The following PSMA8 variants were observed in gnomAD, a reference collection of about 807,000 sequenced individuals.
PSMA8 encodes proteasome subunit alpha-type 8.
Under a neutral mutation model 32.4 loss-of-function variants are expected in PSMA8, and 18 were observed. That is an observed-to-expected ratio of 0.56 (90% CI 0.38 to 0.82). PSMA8 has a LOEUF of 0.82. Ranked by LOEUF, PSMA8 falls within the 40% of genes least tolerant of loss-of-function variation. The pLI is 0.00. For synonymous variants in PSMA8, 104 were observed against 98.1 expected, an observed-to-expected ratio of 1.06 and a Z score of -0.36; for missense variants, 298 against 300.7, an observed-to-expected ratio of 0.99 and a Z score of 0.07.
At chr18:26,148,589 C>T (rs1183287837) in intron 2 of PSMA8, among the ~76,000 whole-genome samples, 1 of 152,094 alleles carries the variant, frequency 6.6e-6, no homozygotes, top group Non-Finnish European at 1.5e-5. Flanking sequence ...TGAAAGCTTT[C>T]CCTCTAGAAC....
chr18:26,153,962 C>A (rs1218020020), intron 3 of PSMA8, among the ~76,000 whole-genome samples: 1 of 151,916 alleles, frequency 6.6e-6, no homozygotes, highest in Non-Finnish European at 1.5e-5. Flanking sequence ...AGTGCAGTGG[C>A]CTGATCTCAG....
rs150863405 is a variant in PSMA8 at position 26,151,260 on chromosome 18, G to A, written c.230-598G>A. ...GGCAATTTAGTTAGTATTAAGAGAGGAGGGAAAGAAACAAAGTGGACATGG... is the reference window on the plus strand; with the variant it reads ...GGCAATTTAGTTAGTATTAAGAGAGAAGGGAAAGAAACAAAGTGGACATGG... On this transcript the variant is annotated intron_variant, in intron 2 of 6. Coordinates refer to ENST00000415576, the MANE Select transcript of PSMA8 (RefSeq NM_001025096.2). 4.1e-3 allele frequency among the ~76,000 whole-genome samples: 621 copies of A among 152,286 alleles called. 1 individual carries two copies. Among genetic ancestry groups the A allele is most frequent in the African/African-American group, 0.011 (462 of 41,564 alleles).
chr18:26,159,949 A>AT (rs1331258845), intron 4 of PSMA8, among the ~76,000 whole-genome samples: 1 of 152,090 alleles, frequency 6.6e-6, no homozygotes, highest in Admixed American at 6.5e-5. Flanking sequence ...AACCTTTTTT[A>AT]TTTTATGTAT....
chr18:26,172,793 C>G (rs1424286448), intron 4 of PSMA8, among the ~76,000 whole-genome samples: 1 of 152,142 alleles, frequency 6.6e-6, no homozygotes, highest in Non-Finnish European at 1.5e-5. Context: ...TTATGCCTGC[C>G]AAGTGCCATT....
At chr18:26,163,544 A>G (rs2055155735) in intron 4 of PSMA8, among the ~76,000 whole-genome samples, 1 of 152,120 alleles carries the variant, frequency 6.6e-6, no homozygotes, top group African/African-American at 2.4e-5. Context: ...ATAATCCAAA[A>G]ATTAGAAATC....
At position 26,170,687 on chromosome 18, in the gene PSMA8, GA is replaced by G. The variant is rs1448315498; in HGVS notation, c.478-8142del. The G allele has an allele frequency of 2.7e-5, 36 of 1,341,288 alleles. 3 individuals are homozygous for G. The highest frequency in any genetic ancestry group is 8.3e-5 in the African/African-American group (3 of 35,972). The allele number at this position is 1,341,288 out of a possible 1,614,324, so 83.1% of individuals were successfully genotyped here. A position where few individuals can be genotyped will look rare whatever the true frequency, so the allele number is the denominator to read the frequency against. On this transcript the variant is annotated intron_variant, in intron 4 of 6. Coordinates refer to ENST00000415576, the MANE Select transcript of PSMA8 (RefSeq NM_001025096.2). ...TAAAAATACATACTTTTTTCAGAGG[GA>G]GGGGGAACAACTTAAACTAGAAAAC...
At chr18:26,134,340 G>GGGGT (rs1555659453) in intron 1 of PSMA8, among the ~76,000 whole-genome samples, 88 of 135,202 alleles carry the variant, frequency 6.5e-4, no homozygotes, top group Middle Eastern at 3.8e-3. Context: ...TGTGTGTGTG[G>GGGGT]GTGTGTGTGT....
intron 3 of PSMA8, among the ~76,000 whole-genome samples, chr18:26,157,347 G>T (rs2055098030): frequency 6.6e-6 from 1 of 151,338 alleles, no homozygotes; most frequent in Non-Finnish European, 1.5e-5. Flanking sequence ...GAGGTCAGGA[G>T]TTCGAGACCA....
chr18:26,170,777 G>T, intron 4 of PSMA8: 4 of 1,550,262 alleles, frequency 2.6e-6, no homozygotes, highest in East Asian at 4.8e-5. Flanking sequence ...TCTCCTCCTG[G>T]ACATCAGAGA....
At chr18:26,143,775 G>A (rs1298696462) in intron 1 of PSMA8, among the ~76,000 whole-genome samples, 1 of 151,922 alleles carries the variant, frequency 6.6e-6, no homozygotes, top group East Asian at 1.9e-4. Context: ...AGGCTGGAGT[G>A]CAGTGGCGCA....
At chr18:26,163,708 G>C (rs1001879151) in intron 4 of PSMA8, among the ~76,000 whole-genome samples, 1 of 152,150 alleles carries the variant, frequency 6.6e-6, no homozygotes, top group African/African-American at 2.4e-5. Context: ...CCTTGGATAG[G>C]ACTTAAATTA....
At chr18:26,167,517 T>A (rs1323324962) in intron 4 of PSMA8, among the ~76,000 whole-genome samples, 1 of 152,190 alleles carries the variant, frequency 6.6e-6, no homozygotes, top group Admixed American at 6.5e-5. Flanking sequence ...CCAAAATGCA[T>A]ACATTGAACC....
intron 6 of PSMA8, among the ~76,000 whole-genome samples, chr18:26,183,369 G>GT (rs2055327912): frequency 6.7e-6 from 1 of 149,960 alleles, no homozygotes; most frequent in Non-Finnish European, 1.5e-5. Context: ...TCCAGCCTGG[G>GT]TGACAGAGCA....
rs747568279 is a variant in PSMA8 at position 26,151,815 on chromosome 18, A to G, written c.230-43A>G. The G allele has an allele frequency of 7.4e-5, 116 of 1,557,660 alleles. 4 individuals are homozygous for G. The South Asian group carries it at 1.4e-3, about 19-fold the overall frequency. Reference sequence around the variant, plus strand: ...GACAAGGAAAAATGTATTGTAAAAAATATGTTTTTGTGGTTTTTGTGAAGT... The same window carrying G: ...GACAAGGAAAAATGTATTGTAAAAAGTATGTTTTTGTGGTTTTTGTGAAGT... On this transcript the variant is annotated intron_variant, in intron 2 of 6. Transcript: ENST00000415576.
intron 6 of PSMA8, among the ~76,000 whole-genome samples, chr18:26,185,087 CA>C (rs772421124): frequency 0.15 from 8,241 of 55,460 alleles, 335 homozygotes; most frequent in East Asian, 0.27. Flanking sequence ...AACTCCATCT[CA>C]AAAAAAAAAA....
intron 6 of PSMA8, 27 bp from the exon 7 acceptor site, chr18:26,192,292 G>T: frequency 6.9e-7 from 1 of 1,443,596 alleles, no homozygotes; most frequent in Non-Finnish European, 9.1e-7. Flanking sequence ...ACTGACATTT[G>T]ATCTTTAAAT....
intron 3 of PSMA8, among the ~76,000 whole-genome samples, chr18:26,155,022 C>T (rs2055077068): frequency 6.6e-6 from 1 of 152,036 alleles, no homozygotes; most frequent in Admixed American, 6.5e-5. Context: ...GAGCCCAGAG[C>T]CCAGGAGTTC....
At chr18:26,165,933 T>TAA (rs569426834) in intron 4 of PSMA8, among the ~76,000 whole-genome samples, 16 of 147,422 alleles carry the variant, frequency 1.1e-4, no homozygotes, top group African/African-American at 3.5e-4. Context: ...CCATCTCTAC[T>TAA]AAAAAAAAAA....
At chr18:26,181,236 G>A (rs2055308604) in intron 6 of PSMA8, among the ~76,000 whole-genome samples, 1 of 152,050 alleles carries the variant, frequency 6.6e-6, no homozygotes, top group Non-Finnish European at 1.5e-5. Flanking sequence ...TTATATAACG[G>A]TGATCTGTGA....
Sources: allele counts gnomAD v4.1 joint callset (sites outside exome capture counted in the v4.1 genomes callset), GRCh38; gene constraint gnomAD v4.1.1; transcripts MANE v1.5; gene names NCBI Gene and HGNC (gene_info 2026-07-23, HGNC 2026-07-21).